TENM1: variants seen among roughly 807,000 people sequenced by gnomAD.
TENM1 encodes the protein teneurin transmembrane protein 1.
TENM1 carries 35 observed loss-of-function variants against 174.8 expected under a neutral mutation model. The ratio of observed to expected loss-of-function variants is 0.20; its 90% CI spans 0.15 to 0.27. The LOEUF (loss-of-function observed/expected upper bound fraction) is 0.27, where lower values mean the gene tolerates loss of function less well. Among genes scored for constraint, TENM1 ranks in the 10% least tolerant of loss-of-function variants. The pLI is 1.00. For synonymous variants in TENM1, 781 were observed against 798.7 expected (o/e 0.98, Z 0.37); for missense variants, 1,633 against 2,130.1 (o/e 0.77, Z 4.59).
intron 11 of TENM1, among the ~76,000 whole-genome samples, chrX:124,639,470 C>G (rs770644414): frequency 8.9e-6 from 1 of 111,933 alleles, no homozygotes; most frequent in Non-Finnish European, 1.9e-5. Context: ...TGACACAGGG[C>G]CCTGGACATG....
At chrX:124,632,527 C>T in intron 11 of TENM1, among the ~76,000 whole-genome samples, 1 of 110,999 alleles carries the variant, frequency 9.0e-6, no homozygotes, top group East Asian at 2.8e-4. Context: ...TGTCCTCACT[C>T]TTTACTGAAG....
the TENM1 span, among the ~76,000 whole-genome samples, chrX:124,998,810 C>T: frequency 9.0e-6 from 1 of 111,312 alleles, no homozygotes; most frequent in African/African-American, 3.3e-5. Context: ...CAAATTTATA[C>T]AATGAATAAG....
chrX:124,668,142 T>C (rs1460870749), intron 6 of TENM1, among the ~76,000 whole-genome samples: 1 of 111,880 alleles, frequency 8.9e-6, no homozygotes, highest in Non-Finnish European at 1.9e-5. Context: ...TTTCAGTTCT[T>C]TGTAGATTCT....
intron 18 of TENM1, among the ~76,000 whole-genome samples, chrX:124,513,314 T>C (rs180843815): frequency 5.4e-5 from 6 of 111,491 alleles, no homozygotes; most frequent in Admixed American, 4.8e-4. Flanking sequence ...CTTTCTTCCA[T>C]AGTTATATCC....
intron 3 of TENM1, among the ~76,000 whole-genome samples, chrX:124,862,452 G>T (rs1030553770): frequency 2.7e-5 from 3 of 111,563 alleles, no homozygotes; most frequent in Non-Finnish European, 5.6e-5. Flanking sequence ...ATCTCTGGGC[G>T]CTGGGGGAGG....
At chrX:124,895,938 A>C in intron 2 of TENM1, 43 bp downstream of exon 5, 1 of 1,194,199 alleles carries the variant, frequency 8.4e-7, no homozygotes, top group African/African-American at 1.7e-5. Flanking sequence ...TAAAAACTGC[A>C]TTCTTTCTGT....
At chrX:125,008,067 A>G in the TENM1 span, among the ~76,000 whole-genome samples, 17 of 111,445 alleles carry the variant, frequency 1.5e-4, no homozygotes, top group African/African-American at 4.6e-4. Flanking sequence ...AAATTCCCCA[A>G]TTAAAAGACA....
At chrX:124,927,141 AC>A (rs1202186266) in intron 1 of TENM1, among the ~76,000 whole-genome samples, 1 of 112,018 alleles carries the variant, frequency 8.9e-6, no homozygotes, top group Non-Finnish European at 1.9e-5. Flanking sequence ...GGTAGATGGG[AC>A]TGGAACTATT....
chrX:125,102,982 G>A, the TENM1 span, among the ~76,000 whole-genome samples: 1 of 111,971 alleles, frequency 8.9e-6, no homozygotes, highest in Non-Finnish European at 1.9e-5. Flanking sequence ...CTGCTGAAGT[G>A]CAAGAAGCAA....
At chrX:124,999,210 A>G in the TENM1 span, among the ~76,000 whole-genome samples, 1 of 111,471 alleles carries the variant, frequency 9.0e-6, no homozygotes, top group Non-Finnish European at 1.9e-5. Flanking sequence ...TGTTCATATT[A>G]AAATGTAAAT....
the TENM1 span, among the ~76,000 whole-genome samples, chrX:125,145,762 C>G: frequency 2.7e-5 from 3 of 112,090 alleles, no homozygotes; most frequent in African/African-American, 9.7e-5. Context: ...GAGCTGGGAA[C>G]TTGAGTTAGT....
the TENM1 span, among the ~76,000 whole-genome samples, chrX:125,102,016 A>T: frequency 8.9e-6 from 1 of 111,950 alleles, no homozygotes; most frequent in East Asian, 2.8e-4. Context: ...GGAAGGTATA[A>T]CACCATACAG....
chrX:125,187,294 T>C, the TENM1 span, among the ~76,000 whole-genome samples: 1 of 112,283 alleles, frequency 8.9e-6, no homozygotes. Context: ...TTATTAGTAA[T>C]GTAAAATTGG....
intron 3 of TENM1, among the ~76,000 whole-genome samples, chrX:124,874,112 C>T (rs1055765212): frequency 9.0e-6 from 1 of 111,605 alleles, no homozygotes; most frequent in Non-Finnish European, 1.9e-5. Flanking sequence ...CCACTGCATG[C>T]TCATTCAATA....
chrX:125,115,418 G>A, the TENM1 span, among the ~76,000 whole-genome samples: 1 of 111,156 alleles, frequency 9.0e-6, no homozygotes, highest in African/African-American at 3.3e-5. Flanking sequence ...GAAATGAAGG[G>A]TATTCAAATA....
chrX:124,812,440 C>G, intron 3 of TENM1, among the ~76,000 whole-genome samples: 1 of 111,142 alleles, frequency 9.0e-6, no homozygotes, highest in East Asian at 2.8e-4. Context: ...TTTTACATTC[C>G]TATAGATCCA....
chrX:124,619,906 A>T (rs745841598), intron 11 of TENM1, among the ~76,000 whole-genome samples: 1 of 111,951 alleles, frequency 8.9e-6, no homozygotes, highest in African/African-American at 3.2e-5. Flanking sequence ...GGAACAAATG[A>T]TGCAATCAAA....
intron 16 of TENM1, among the ~76,000 whole-genome samples, chrX:124,523,943 C>T (rs1046655879): frequency 9.9e-6 from 1 of 101,216 alleles, no homozygotes; most frequent in African/African-American, 3.7e-5. Flanking sequence ...GGTGTGATCT[C>T]GGCTCACTGC....
rs146552593 is a variant in TENM1 at position 124,708,491 on chromosome X, A to G, written c.777-3240T>C. Among the ~76,000 whole-genome samples, 491 of 111,853 alleles carry G rather than the reference A, an allele frequency of 4.4e-3. 2 individuals carry two copies. Among genetic ancestry groups the G allele is most frequent in the African/African-American group, 0.016 (479 of 30,842 alleles). The stretch of plus-strand genomic sequence containing the variant: ...GGAAATGATGTGTATGACAATCCAT[A>G]TAAGAAGCCATTCATTGCAATGTTA... On this transcript the variant is annotated intron_variant, in intron 4 of 31. Transcript: ENST00000422452.
Sources: gnomAD v4.1 joint callset for allele counts (sites outside exome capture counted in the v4.1 genomes callset) on GRCh38, gnomAD v4.1.1 for gene constraint, MANE v1.5 for transcripts, NCBI Gene and HGNC (gene_info 2026-07-23, HGNC 2026-07-21) for gene names.